POLR2B: variants seen among roughly 807,000 people sequenced by gnomAD.
POLR2B encodes the protein DNA-directed RNA polymerase II subunit RPB2.
POLR2B carries 57 observed loss-of-function variants against 144.6 expected under a neutral mutation model. The observed-to-expected ratio is 0.39, with a 90% confidence interval of 0.32 to 0.49. The LOEUF (loss-of-function observed/expected upper bound fraction) is 0.49. POLR2B is among the 20% of genes least tolerant of loss of function. The pLI is 0.83. For missense variants in POLR2B, 595 were observed against 1,467.4 expected (o/e 0.41, Z 9.71); for synonymous variants, 442 against 469.8 (o/e 0.94, Z 0.77).
chr4:57,010,310 G>C (rs1188087137), intron 10 of POLR2B, 51 bp from the exon 11 acceptor site: 1 of 1,556,764 alleles, frequency 6.4e-7, no homozygotes, highest in South Asian at 1.1e-5. Flanking sequence ...CAGTGTAATA[G>C]TATGAATCAC....
intron 7 of POLR2B, chr4:57,002,590 C>T (rs1722889193): frequency 6.6e-6 from 1 of 151,878 alleles, no homozygotes; most frequent in Non-Finnish European, 1.5e-5. Context: ...AAAAATATCA[C>T]TTTGATTTAC....
intron 6 of POLR2B, among the ~76,000 whole-genome samples, chr4:56,997,804 C>G (rs886547317): frequency 6.6e-6 from 1 of 152,130 alleles, no homozygotes; most frequent in African/African-American, 2.4e-5. Flanking sequence ...TAAGACTCTT[C>G]CAAGTACAAA....
chr4:57,025,024 T>C (rs1723669494), intron 22 of POLR2B, 25 bp downstream of exon 22: 1 of 1,172,790 alleles, frequency 8.5e-7, no homozygotes, highest in Non-Finnish European at 1.2e-6. Flanking sequence ...ATAGTAGTAA[T>C]TTGCCACTTG....
chr4:56,995,528 A>G (rs749639658), intron 6 of POLR2B, 119 bp downstream of exon 6: 1 of 613,756 alleles, frequency 1.6e-6, no homozygotes, highest in East Asian at 2.7e-5. Context: ...TATATATCGT[A>G]TTGTTTACCT....
At chr4:56,989,649 A>C (rs1722452008) in intron 2 of POLR2B, among the ~76,000 whole-genome samples, 1 of 152,222 alleles carries the variant, frequency 6.6e-6, no homozygotes, top group East Asian at 1.9e-4. Context: ...GTAGAAGCTA[A>C]GAAGGTCTCA....
intron 1 of POLR2B, among the ~76,000 whole-genome samples, chr4:56,981,653 A>G (rs1329468490): frequency 1.3e-5 from 2 of 152,236 alleles, no homozygotes; most frequent in Non-Finnish European, 1.5e-5. Context: ...TTCAGTCACT[A>G]TGTGAAAATG....
Position 57,023,568 on chromosome 4 carries a change from T to C in POLR2B, c.2754T>C (p.Phe918=), listed in dbSNP as rs960210953. Residue 918 remains phenylalanine (F), a synonymous_variant, in exon 19 of 25, where the codon TTT becomes TTC. Transcript: ENST00000314595. This position sits in a 1 kb window ranked among gnomAD's most constrained non-coding sequence, Gnocchi z 4.3. The part of the protein sequence containing the change: ...MVTLNQEGYK[F]CKIRVRSVRI... ...CTCTCAATCAGGAAGGATATAAATT[T>C]TGTAAAATAAGGGTGAGTACAACTT... 1 of 1,613,864 alleles carries C rather than the reference T, an allele frequency of 6.2e-7. No individual in the cohort carries two copies. Among genetic ancestry groups the C allele is most frequent in the Non-Finnish European group, 8.5e-7 (1 of 1,179,910 alleles).
At chr4:56,996,968 A>C (rs556740243) in intron 6 of POLR2B, among the ~76,000 whole-genome samples, 1 of 152,250 alleles carries the variant, frequency 6.6e-6, no homozygotes, top group Admixed American at 6.5e-5. Context: ...ATGTGGTGGC[A>C]GGCACCTGTA....
chr4:57,017,738 G>C lies in POLR2B; in HGVS notation c.2323+10G>C. The C allele has an allele frequency of 6.2e-7, 1 of 1,607,660 alleles. No homozygotes were observed. The highest frequency in any genetic ancestry group is 8.5e-7 in the Non-Finnish European group (1 of 1,176,634). ...AGAGAGCTGCCAGCAGGTATGGTCA[G>C]TTTTGCTCTACGTTATTTAAGATCC... On this transcript the variant is annotated intron_variant, in intron 16 of 24. Transcript: ENST00000314595. The surrounding 1 kb of genome is among the most constrained non-coding windows in gnomAD (Gnocchi z 4.8).
intron 1 of POLR2B, among the ~76,000 whole-genome samples, chr4:56,981,540 T>C (rs1722157766): frequency 6.6e-6 from 1 of 152,240 alleles, no homozygotes; most frequent in Non-Finnish European, 1.5e-5. Context: ...CAATGTATAA[T>C]GATCCTGTGG....
In POLR2B at chr4:57,023,364, T is replaced by G. The variant is rs2109716658; in HGVS notation, c.2550T>G (p.Asp850Glu). The G allele has an allele frequency of 1.9e-6, 3 of 1,613,992 alleles. No homozygotes were observed. In the East Asian group the frequency reaches 6.7e-5, roughly 36 times the overall value. ...ATGCCATTTACGACAAGCTGGATGA[T>G]GATGGTTTGATAGCTCCAGGGGTTC... ...MRHAIYDKLD[D>E]DGLIAPGVRV... Residue 850 changes from aspartate (D) to glutamate (E), a missense_variant, in exon 19 of 25, where the codon GAT becomes GAG. By Grantham distance (45) the Asp-to-Glu change is conservative. Around this residue, in one of 9 missense-constraint regions of POLR2B, gnomAD observed 75 missense variants for 100.0 expected, o/e 0.75. Coordinates refer to ENST00000314595, the MANE Select transcript of POLR2B (RefSeq NM_000938.3). This position sits in a 1 kb window ranked among gnomAD's most constrained non-coding sequence, Gnocchi z 4.3.
chr4:57,020,240 G>A (rs890582465), intron 16 of POLR2B, among the ~76,000 whole-genome samples: 4 of 152,042 alleles, frequency 2.6e-5, no homozygotes, highest in African/African-American at 9.7e-5. Flanking sequence ...CACCATGTTG[G>A]CCAGGATGGT....
intron 6 of POLR2B, among the ~76,000 whole-genome samples, chr4:56,996,276 ATAT>A (rs1722683012): frequency 1.3e-4 from 11 of 85,582 alleles, no homozygotes; most frequent in South Asian, 4.9e-4. Context: ...ATATATATAT[ATAT>A]TTTTTTTTTT....
chr4:57,020,965 A>G lies in POLR2B; in HGVS notation c.2390A>G (p.Asn797Ser), dbSNP rs374232530. 2 of 1,605,796 alleles carry G rather than the reference A, an allele frequency of 1.2e-6. No homozygotes were observed. Among genetic ancestry groups the G allele is most frequent in the Non-Finnish European group, 8.5e-7 (1 of 1,172,324 alleles). ...AATCAGGAAGACTCTGTTATCATGA[A>G]TCGTTCAGCTGTAGACCGCGGCTTC... Reference protein sequence around the residue: ...GYNQEDSVIMNRSAVDRGFFR... With the variant: ...GYNQEDSVIMSRSAVDRGFFR... Residue 797 changes from asparagine (N) to serine (S), a missense_variant, in exon 17 of 25, where the codon AAT (asparagine) becomes AGT (serine). Coordinates refer to ENST00000314595, the MANE Select transcript of POLR2B (RefSeq NM_000938.3).
intron 16 of POLR2B, among the ~76,000 whole-genome samples, chr4:57,020,169 G>A (rs1723495459): frequency 6.6e-6 from 1 of 152,170 alleles, no homozygotes; most frequent in Admixed American, 6.6e-5. Context: ...GAGTAGCTGG[G>A]ACTGCAGGCG....
rs575281172 is a variant in POLR2B, at chr4:57,023,781, A to G, written c.2856+30A>G. Reference sequence around the variant, plus strand: ...GTATCTTTGATCTCCCTCATGCCCAAACCAGTTTTGTTAAATATTTTTTTT... The same window carrying G: ...GTATCTTTGATCTCCCTCATGCCCAGACCAGTTTTGTTAAATATTTTTTTT... On this transcript the variant is annotated intron_variant, in intron 20 of 24. Coordinates refer to ENST00000314595, the MANE Select transcript of POLR2B (RefSeq NM_000938.3). This position sits in a 1 kb window ranked among gnomAD's most constrained non-coding sequence, Gnocchi z 4.3. 6 of 1,381,042 alleles carry G rather than the reference A, an allele frequency of 4.3e-6. No individual in the cohort carries two copies. In the Admixed American group the frequency reaches 1.3e-4, roughly 30 times the overall value. The allele number at this position is 1,381,042 out of a possible 1,614,324, so 85.5% of individuals were successfully genotyped here. A position where few individuals can be genotyped will look rare whatever the true frequency, so the allele number is the denominator to read the frequency against.
At chr4:56,995,796 A>T (rs1465687513) in intron 6 of POLR2B, among the ~76,000 whole-genome samples, 1 of 152,330 alleles carries the variant, frequency 6.6e-6, no homozygotes, top group East Asian at 1.9e-4. Context: ...GTTCCTTGCC[A>T]TGTGGGCCTC....
chr4:57,008,949 C>T (rs1021888708), intron 10 of POLR2B, among the ~76,000 whole-genome samples: 19 of 152,016 alleles, frequency 1.2e-4, no homozygotes, highest in South Asian at 6.2e-4. Flanking sequence ...GGAACCAGCT[C>T]ATGAAGAGGA....
At chr4:57,021,350 C>T (rs1578590191) in intron 17 of POLR2B, among the ~76,000 whole-genome samples, 1 of 152,178 alleles carries the variant, frequency 6.6e-6, no homozygotes, top group East Asian at 1.9e-4. Flanking sequence ...GACAAACAGA[C>T]CTCAAATTCA....
Sources: gnomAD v4.1 joint callset for allele counts (sites outside exome capture counted in the v4.1 genomes callset) on GRCh38, gnomAD v4.1.1 for gene constraint, gnomAD v4.1.1 regional missense constraint, Gnocchi (gnomAD v3.1) non-coding constraint, MANE v1.5 for transcripts, NCBI Gene and HGNC (gene_info 2026-07-23, HGNC 2026-07-21) for gene names.